The following MICAL3 variants were observed in gnomAD, a reference collection of about 807,000 sequenced individuals.
MICAL3 encodes microtubule associated monooxygenase, calponin and LIM domain containing 3, also known as [F-actin]-monooxygenase MICAL3.
MICAL3 carries 62 observed loss-of-function variants against 207.4 expected under a neutral mutation model. That is an observed-to-expected ratio of 0.30 (90% CI 0.24 to 0.37). The LOEUF (loss-of-function observed/expected upper bound fraction) is 0.37. MICAL3 is among the 10% of genes least tolerant of loss of function. The pLI is 1.00. For synonymous variants in MICAL3, 1,077 were observed against 1,069.3 expected, an observed-to-expected ratio of 1.01 and a Z score of -0.14; for missense variants, 2,368 against 2,635.6, an observed-to-expected ratio of 0.90 and a Z score of 2.22.
chr22:17,994,579 G>A (rs941675950), intron 1 of MICAL3, among the ~76,000 whole-genome samples: 1 of 152,184 alleles, frequency 6.6e-6, no homozygotes, highest in Non-Finnish European at 1.5e-5. Flanking sequence ...CGGGTGTGGT[G>A]GTGTGGGCCT....
intron 1 of MICAL3, among the ~76,000 whole-genome samples, chr22:18,011,819 G>A (rs898582452): frequency 3.4e-5 from 5 of 149,218 alleles, no homozygotes; most frequent in Admixed American, 3.3e-4. Context: ...GTGAACCTGG[G>A]AGGTGGAGCT....
chr22:17,832,946 G>C (rs1475830896), intron 20 of MICAL3, among the ~76,000 whole-genome samples: 1 of 152,198 alleles, frequency 6.6e-6, no homozygotes, highest in Non-Finnish European at 1.5e-5. Context: ...AGAGACGATG[G>C]GGAAAGGGTG....
intron 1 of MICAL3, among the ~76,000 whole-genome samples, chr22:17,928,214 C>T (rs1430100046): frequency 2.0e-5 from 3 of 152,078 alleles, no homozygotes; most frequent in African/African-American, 7.2e-5. Flanking sequence ...CCGAGGCGGG[C>T]GCATCACGAG....
intron 12 of MICAL3, among the ~76,000 whole-genome samples, chr22:17,890,125 G>A (rs1930274235): frequency 6.6e-6 from 1 of 152,130 alleles, no homozygotes; most frequent in African/African-American, 2.4e-5. Context: ...CTTTTCAGAA[G>A]ACTGATCGCA....
chr22:17,819,609 A>G lies in MICAL3; in HGVS notation c.3532-480T>C, dbSNP rs139281207. ...TGCAGAGATTCCTGCACCAGCCCTT[A>G]TATCACCCCATCCAAGAGCCTCAAA... On this transcript the variant is annotated intron_variant, in intron 25 of 31. Coordinates refer to ENST00000441493, the MANE Select transcript of MICAL3 (RefSeq NM_015241.3). Among the ~76,000 whole-genome samples the G allele has an allele frequency of 7.9e-5, 12 of 152,144 alleles. 1 individual carries two copies. The highest frequency in any genetic ancestry group is 6.8e-3 in the Middle Eastern group (2 of 294).
At chr22:17,891,429 A>G in intron 12 of MICAL3, 56 bp downstream of exon 12, 1 of 1,512,900 alleles carries the variant, frequency 6.6e-7, no homozygotes, top group Non-Finnish European at 9.2e-7. Flanking sequence ...TTGATAGCAG[A>G]GTGGTCTGAG....
chr22:18,009,916 T>C (rs1602396667), intron 1 of MICAL3, among the ~76,000 whole-genome samples: 1 of 87,092 alleles, frequency 1.1e-5, no homozygotes, highest in East Asian at 2.4e-4. Flanking sequence ...CAAAATTACA[T>C]GTGGTCAAAT....
chr22:17,933,961 T>C (rs1472823232), intron 1 of MICAL3, among the ~76,000 whole-genome samples: 1 of 152,196 alleles, frequency 6.6e-6, no homozygotes, highest in Non-Finnish European at 1.5e-5. Flanking sequence ...TAACAGTCTC[T>C]GAAATTCAGG....
At chr22:17,989,943 C>T (rs1921475994) in intron 1 of MICAL3, among the ~76,000 whole-genome samples, 1 of 152,146 alleles carries the variant, frequency 6.6e-6, no homozygotes, top group South Asian at 2.1e-4. Flanking sequence ...GTGTATATTA[C>T]CCTGGCTCTC....
At chr22:17,943,942 C>A (rs537365854) in intron 1 of MICAL3, among the ~76,000 whole-genome samples, 2 of 152,182 alleles carry the variant, frequency 1.3e-5, no homozygotes, top group African/African-American at 4.8e-5. Context: ...AGGACAAAAA[C>A]CTTTCTATGG....
At chr22:17,967,995 G>T (rs537789739) in intron 1 of MICAL3, among the ~76,000 whole-genome samples, 5 of 151,242 alleles carry the variant, frequency 3.3e-5, no homozygotes, top group African/African-American at 4.9e-5. Flanking sequence ...GTGAGCCAAG[G>T]TTGCACCCTG....
At chr22:17,863,513 T>C in intron 19 of MICAL3, 8 of 985,410 alleles carry the variant, frequency 8.1e-6, no homozygotes, top group Non-Finnish European at 9.6e-6. Context: ...AGATGGATTA[T>C]AAAGATCTTC....
intron 19 of MICAL3, among the ~76,000 whole-genome samples, chr22:17,856,494 G>A (rs868120511): frequency 6.6e-5 from 10 of 151,740 alleles, no homozygotes; most frequent in African/African-American, 1.2e-4. Flanking sequence ...CCACCCCAGC[G>A]TTCCCGTGCC....
At position 18,019,035 on chromosome 22, in the gene MICAL3, A is replaced by G. The variant is rs150621996; in HGVS notation, c.-75+5246T>C. The stretch of plus-strand genomic sequence containing the variant: ...GGCGAAACCCTGTCTGTACAAAAAA[A>G]TACAAAAATTAGCTAGGCATGGTGA... On this transcript the variant is annotated intron_variant, in intron 1 of 31. Transcript: ENST00000441493. Among the ~76,000 whole-genome samples, 14 of 152,112 alleles carry G rather than the reference A, an allele frequency of 9.2e-5. No individual in the cohort carries two copies. In the East Asian group the frequency reaches 2.7e-3, roughly 30 times the overall value.
Position 17,885,888 on chromosome 22 carries a change from A to G in MICAL3, c.2231T>C (p.Ile744Thr), listed in dbSNP as rs1220960866. Residue 744 changes from isoleucine (I) to threonine (T), a missense_variant, in exon 16 of 32, where the codon ATA (isoleucine) becomes ACA (threonine). Around this residue, in one of 4 missense-constraint regions of MICAL3, gnomAD observed 1,770 missense variants for 1,863.2 expected, o/e 0.95. Transcript: ENST00000441493. ...ACGGGTTGGGTTTACCTGTCTCCGT[A>G]TGCCGATGGACTGTGCGGGCGCATT... Reference protein sequence around the residue: ...EENAPAQSIGIRRQGSMKKEF... With the variant: ...EENAPAQSIGTRRQGSMKKEF... 4.3e-6 allele frequency: 7 copies of G among 1,613,952 alleles called. No homozygotes were observed. Among genetic ancestry groups the G allele is most frequent in the South Asian group, 1.1e-5 (1 of 91,084 alleles).
At chr22:17,843,616 G>A (rs1185019888) in intron 19 of MICAL3, among the ~76,000 whole-genome samples, 1 of 152,200 alleles carries the variant, frequency 6.6e-6, no homozygotes, top group Non-Finnish European at 1.5e-5. Flanking sequence ...GGGGGTGCGT[G>A]TTGACCCTGC....
rs563453825 is a variant in MICAL3, at chr22:17,793,211, C to T, written c.5651-1910G>A. On this transcript the variant is annotated intron_variant, in intron 29 of 31. Transcript: ENST00000441493. This position sits in a 1 kb window ranked among gnomAD's most constrained non-coding sequence, Gnocchi z 4.1. ...GCCACACCCCCCACATGCCTTTCAA[C>T]GACAATCTTATCACCACAACAGACT... is the stretch of plus-strand genomic sequence containing the variant. Among the ~76,000 whole-genome samples, 26 of 152,272 alleles carry T rather than the reference C, an allele frequency of 1.7e-4. No homozygotes were observed. The South Asian group carries it at 3.5e-3, about 21-fold the overall frequency.
At chr22:17,991,249 G>A (rs751367638) in intron 1 of MICAL3, among the ~76,000 whole-genome samples, 8 of 152,150 alleles carry the variant, frequency 5.3e-5, no homozygotes, top group Admixed American at 3.3e-4. Context: ...GCCTGCGTGT[G>A]TGTAAGTGCT....
rs1279754683 is a variant in MICAL3, at chr22:17,876,867, G to A, written c.2242-4844C>T. 121 of 140,166 alleles carry A rather than the reference G, an allele frequency of 8.6e-4. 1 individual carries two copies. The highest frequency in any genetic ancestry group is 3.5e-3 in the African/African-American group (113 of 32,410). The allele number at this position is 140,166 out of a possible 1,614,324, so 8.7% of individuals were successfully genotyped here. A position where few individuals can be genotyped will look rare whatever the true frequency, so the allele number is the denominator to read the frequency against. On this transcript the variant is annotated intron_variant, in intron 16 of 31. Transcript: ENST00000441493. Reference sequence around the variant, plus strand: ...GGTTAGGGAGGTTATGGAGGTTAGGGAGGTTAGGGAGGTTAGGGAGGTTAT... The same window carrying A: ...GGTTAGGGAGGTTATGGAGGTTAGGAAGGTTAGGGAGGTTAGGGAGGTTAT...
Sources: gnomAD v4.1 joint callset for allele counts (sites outside exome capture counted in the v4.1 genomes callset) on GRCh38, gnomAD v4.1.1 for gene constraint, gnomAD v4.1.1 regional missense constraint, Gnocchi (gnomAD v3.1) non-coding constraint, MANE v1.5 for transcripts, NCBI Gene and HGNC (gene_info 2026-07-23, HGNC 2026-07-21) for gene names.